MLLT3: variants seen among roughly 807,000 people sequenced by gnomAD.
The protein encoded by MLLT3 is protein AF-9.
A neutral mutation model predicts 53.2 loss-of-function variants in MLLT3; 4 were observed. That is an observed-to-expected ratio of 0.08 (90% confidence interval 0.04 to 0.17). The LOEUF (loss-of-function observed/expected upper bound fraction) is 0.17, where lower values mean the gene tolerates loss of function less well. Ranked by LOEUF, MLLT3 falls within the 10% of genes least tolerant of loss-of-function variation. MLLT3 has a pLI of 1.00. For missense variants in MLLT3, 569 were observed against 684.0 expected, an observed-to-expected ratio of 0.83 and a Z score of 1.87; for synonymous variants, 283 against 230.6, an observed-to-expected ratio of 1.23 and a Z score of -2.06.
chr9:20,477,288 T>C (rs770715021), intron 2 of MLLT3, among the ~76,000 whole-genome samples: 5 of 152,194 alleles, frequency 3.3e-5, no homozygotes, highest in Non-Finnish European at 5.9e-5. Flanking sequence ...AGGCTCTTTT[T>C]TCTTTCTTTG....
intron 2 of MLLT3, among the ~76,000 whole-genome samples, chr9:20,484,365 A>G (rs1824751072): frequency 6.6e-6 from 1 of 152,204 alleles, no homozygotes; most frequent in Non-Finnish European, 1.5e-5. Context: ...TACCTCTGAC[A>G]GAACAATTGT....
intron 2 of MLLT3, among the ~76,000 whole-genome samples, chr9:20,607,640 G>C (rs1270668614): frequency 6.6e-6 from 1 of 151,830 alleles, no homozygotes; most frequent in Non-Finnish European, 1.5e-5. Flanking sequence ...TGTATTTTAT[G>C]GATTTTGTAA....
intron 5 of MLLT3, among the ~76,000 whole-genome samples, chr9:20,371,169 G>C (rs1028643616): frequency 6.6e-6 from 1 of 152,192 alleles, no homozygotes; most frequent in Non-Finnish European, 1.5e-5. Flanking sequence ...TGCTAGCAGA[G>C]GTTGGTTCAT....
At chr9:20,357,512 G>A (rs553944414) in intron 8 of MLLT3, among the ~76,000 whole-genome samples, 59 of 152,168 alleles carry the variant, frequency 3.9e-4, no homozygotes, top group Admixed American at 9.8e-4. Context: ...AAAATGTCTT[G>A]ACAAACGTTC....
chr9:20,587,465 C>T (rs1820002486), intron 2 of MLLT3, among the ~76,000 whole-genome samples: 1 of 152,020 alleles, frequency 6.6e-6, no homozygotes, highest in Non-Finnish European at 1.5e-5. Context: ...GGACTCCCAC[C>T]TCCAAGACAA....
chr9:20,538,555 G>C (rs562865834), intron 2 of MLLT3, among the ~76,000 whole-genome samples: 1 of 149,250 alleles, frequency 6.7e-6, no homozygotes, highest in South Asian at 2.1e-4. Context: ...TTTTGAAAAA[G>C]TAAATTCGTA....
chr9:20,372,341 A>G (rs1422123986), intron 5 of MLLT3, among the ~76,000 whole-genome samples: 1 of 152,206 alleles, frequency 6.6e-6, no homozygotes, highest in African/African-American at 2.4e-5. Flanking sequence ...CATGCTACAG[A>G]TAAATCTTTT....
At chr9:20,622,039 G>T in intron 1 of MLLT3, 1 of 475,122 alleles carries the variant, frequency 2.1e-6, no homozygotes, top group Non-Finnish European at 2.7e-6. Context: ...GTGAGTGTGT[G>T]TGTGTCTGTG....
intron 2 of MLLT3, among the ~76,000 whole-genome samples, chr9:20,569,243 A>C (rs1158196804): frequency 6.6e-6 from 1 of 152,112 alleles, no homozygotes; most frequent in East Asian, 1.9e-4. Context: ...ATTCACATAC[A>C]CACTAAAGGA....
At position 20,361,924 on chromosome 9, in the gene MLLT3, C is replaced by A. The variant is rs1490406266; in HGVS notation, c.1332-1083G>T. ...TAGCTCTATAATGTATTCAGACAGA[C>A]AAGATACAAGATAGGAAATGAAAAG... On this transcript the variant is annotated intron_variant, in intron 7 of 10. Coordinates refer to ENST00000380338, the MANE Select transcript of MLLT3 (RefSeq NM_004529.4). Among the ~76,000 whole-genome samples, 7 of 152,146 alleles carry A rather than the reference C, an allele frequency of 4.6e-5. No homozygotes were observed. In the East Asian group the frequency reaches 1.3e-3, roughly 29 times the overall value.
intron 5 of MLLT3, among the ~76,000 whole-genome samples, chr9:20,394,946 T>C (rs1225809831): frequency 6.6e-6 from 1 of 152,014 alleles, no homozygotes; most frequent in Non-Finnish European, 1.5e-5. Context: ...GAGGTTTCCG[T>C]CCAAGGTGAC....
At chr9:20,613,264 C>T (rs1365399681) in intron 2 of MLLT3, among the ~76,000 whole-genome samples, 1 of 152,072 alleles carries the variant, frequency 6.6e-6, no homozygotes, top group Non-Finnish European at 1.5e-5. Flanking sequence ...GACTTGCACA[C>T]TTTAAAAGGG....
Position 20,413,968 on chromosome 9 carries a change from A to T in MLLT3, c.878T>A (p.Leu293His). The change falls in exon 5 of 11, where the codon CTC becomes CAC. Residue 293 changes from leucine to histidine, a missense_variant. By Grantham distance (99) the Leu-to-His change is moderately conservative (BLOSUM62 -3). Around this residue, in one of 5 missense-constraint regions of MLLT3, gnomAD observed 437 missense variants for 376.5 expected, o/e 1.16. Transcript: ENST00000380338. ...ACTCTTTTTCCTTTTTTTGGCTGAG[A>T]GTTCTTCAGAATCTGAAATGGGCGG... ...KRPPISDSEE[L>H]SAKKRKKSSS... 1.2e-6 allele frequency: 2 copies of T among 1,613,628 alleles called. No individual in the cohort carries two copies. The highest frequency in any genetic ancestry group is 1.7e-6 in the Non-Finnish European group (2 of 1,179,904).
chr9:20,350,392 A>G (rs374437381), intron 10 of MLLT3, among the ~76,000 whole-genome samples: 2,960 of 151,706 alleles, frequency 0.02, 47 homozygotes, highest in African/African-American at 0.047. Context: ...TCAGGAGATC[A>G]AGACCAACCC....
intron 4 of MLLT3, among the ~76,000 whole-genome samples, chr9:20,426,731 T>C (rs1358397840): frequency 6.6e-6 from 1 of 152,048 alleles, no homozygotes; most frequent in African/African-American, 2.4e-5. Flanking sequence ...CTTACTATGA[T>C]ACAACTAGAT....
At chr9:20,398,903 C>T (rs1822386139) in intron 5 of MLLT3, among the ~76,000 whole-genome samples, 1 of 151,380 alleles carries the variant, frequency 6.6e-6, no homozygotes, top group South Asian at 2.1e-4. Flanking sequence ...AGCTAAAAAA[C>T]AAACAAACAA....
intron 4 of MLLT3, among the ~76,000 whole-genome samples, chr9:20,433,569 T>A (rs912801426): frequency 2.6e-5 from 4 of 152,012 alleles, no homozygotes; most frequent in African/African-American, 7.2e-5. Flanking sequence ...TCAGTGGAAA[T>A]CAGGATCATG....
At chr9:20,422,307 G>A (rs773889146) in intron 4 of MLLT3, among the ~76,000 whole-genome samples, 2 of 152,144 alleles carry the variant, frequency 1.3e-5, no homozygotes, top group Admixed American at 6.6e-5. Context: ...CATTTTTTAA[G>A]GTGACATTCA....
chr9:20,461,017 C>T (rs781441974), intron 2 of MLLT3, among the ~76,000 whole-genome samples: 4 of 152,048 alleles, frequency 2.6e-5, no homozygotes, highest in Non-Finnish European at 5.9e-5. Flanking sequence ...CGTAAATAAC[C>T]GCTCCCCTTC....
Sources: allele counts gnomAD v4.1 joint callset (sites outside exome capture counted in the v4.1 genomes callset), GRCh38; gene constraint gnomAD v4.1.1; regional missense constraint gnomAD v4.1.1; transcripts MANE v1.5; gene names NCBI Gene and HGNC (gene_info 2026-07-23, HGNC 2026-07-21).